RASSF3: variants seen among roughly 807,000 people sequenced by gnomAD.
The protein encoded by RASSF3 is Ras association domain family member 3.
Under a neutral mutation model 19.9 loss-of-function variants are expected in RASSF3, and 19 were observed. That is an observed-to-expected ratio of 0.96 (90% CI 0.67 to 1.40). The LOEUF (loss-of-function observed/expected upper bound fraction) is 1.40. RASSF3 is among the 40% of genes most tolerant of loss of function. The pLI, the probability that RASSF3 is intolerant of heterozygous loss-of-function variation, is 0.00. For missense variants in RASSF3, 306 were observed against 289.8 expected, an observed-to-expected ratio of 1.06 and a Z score of -0.41; for synonymous variants, 110 against 104.2, an observed-to-expected ratio of 1.06 and a Z score of -0.34.
intron 1 of RASSF3, among the ~76,000 whole-genome samples, chr12:64,618,445 G>T (rs7314137): frequency 1.3e-5 from 2 of 152,108 alleles, no homozygotes; most frequent in African/African-American, 4.8e-5. Flanking sequence ...TCCTGCCTCA[G>T]CCTCCCAAGT....
upstream of RASSF3, among the ~76,000 whole-genome samples, chr12:64,529,382 T>C (rs1868658059): frequency 1.3e-5 from 2 of 152,232 alleles, no homozygotes; most frequent in Admixed American, 6.5e-5. Flanking sequence ...AGCTGATCCA[T>C]GAGTGGACAC....
At chr12:64,544,890 C>G (rs1305562140), downstream of RASSF3, among the ~76,000 whole-genome samples, 1 of 152,182 alleles carries the variant, frequency 6.6e-6, no homozygotes, top group African/African-American at 2.4e-5. Flanking sequence ...AACTCTTGAT[C>G]AGAACAGTAA....
upstream of RASSF3, among the ~76,000 whole-genome samples, chr12:64,528,881 C>T (rs990256803): frequency 1.3e-5 from 2 of 152,182 alleles, no homozygotes; most frequent in Admixed American, 6.5e-5. Context: ...CAAGCTTTAG[C>T]GTCAGATGGG....
At chr12:64,679,985 T>C (rs1464044812) in intron 1 of RASSF3, among the ~76,000 whole-genome samples, 1 of 152,174 alleles carries the variant, frequency 6.6e-6, no homozygotes, top group Admixed American at 6.5e-5. Flanking sequence ...CACTTGGTAT[T>C]GTATCTATTC....
chr12:64,681,257 G>T (rs1873116038), intron 1 of RASSF3, among the ~76,000 whole-genome samples: 1 of 152,152 alleles, frequency 6.6e-6, no homozygotes, highest in Non-Finnish European at 1.5e-5. Flanking sequence ...GTATTTAATG[G>T]TGAACCTTTG....
chr12:64,684,138 G>C (rs35127263), intron 1 of RASSF3, among the ~76,000 whole-genome samples: 26,660 of 148,180 alleles, frequency 0.18, 3,068 homozygotes, highest in South Asian at 0.31. Flanking sequence ...CCAGGCTAGA[G>C]CATAGTGGCA....
chr12:64,533,008 C>T (rs775818535), upstream of RASSF3, among the ~76,000 whole-genome samples: 7 of 152,350 alleles, frequency 4.6e-5, no homozygotes, highest in South Asian at 2.1e-4. Flanking sequence ...TCAACACTGC[C>T]GTCTCAGAGA....
intron 2 of RASSF3, among the ~76,000 whole-genome samples, chr12:64,602,004 C>A (rs983448067): frequency 7.9e-5 from 12 of 151,468 alleles, no homozygotes; most frequent in African/African-American, 2.7e-4. Flanking sequence ...GTGGTCCCAA[C>A]TACTCGGGAG....
Position 64,678,647 on chromosome 12 carries a change from C to CAAAAAAAAA in RASSF3, c.112-6140_112-6139insAAAAAAAAA, listed in dbSNP as rs1872996061. Among the ~76,000 whole-genome samples the CAAAAAAAAA allele has an allele frequency of 8.9e-4, 13 of 14,586 alleles. No individual in the cohort carries two copies. In the South Asian group the frequency reaches 0.024, roughly 27 times the overall value. 9.6% of individuals were successfully genotyped at this position (14,586 alleles called of 152,430 possible). A position where few individuals can be genotyped will look rare whatever the true frequency, so the allele number is the denominator to read the frequency against. The stretch of plus-strand genomic sequence containing the variant: ...TTATTTTTTAAAGAGATCCGTAATA[C>CAAAAAAAAA]CAAAAAAAAAAAAAAAAACCAAACA... On this transcript the variant is annotated intron_variant, in intron 1 of 4. Transcript: ENST00000542104.
intron 2 of RASSF3, among the ~76,000 whole-genome samples, chr12:64,562,380 A>G (rs1183980615): frequency 6.6e-6 from 1 of 152,072 alleles, no homozygotes; most frequent in Non-Finnish European, 1.5e-5. Context: ...CTCCTTAGAC[A>G]TCCTGGTTAG....
At chr12:64,632,704 C>T (rs1871207279) in intron 1 of RASSF3, among the ~76,000 whole-genome samples, 1 of 151,966 alleles carries the variant, frequency 6.6e-6, no homozygotes, top group South Asian at 2.1e-4. Flanking sequence ...GGGAACAACT[C>T]GGTTTTAGGG....
intron 2 of RASSF3, among the ~76,000 whole-genome samples, chr12:64,594,370 C>T (rs1235432557): frequency 1.3e-5 from 2 of 152,172 alleles, no homozygotes; most frequent in East Asian, 1.9e-4. Context: ...CATGTAGTAG[C>T]CTAGTACTTT....
rs563783294 is a variant in RASSF3, at chr12:64,658,506, A to C, written c.112-26281A>C. On this transcript the variant is annotated intron_variant, in intron 1 of 4. Coordinates refer to ENST00000542104, the MANE Select transcript of RASSF3 (RefSeq NM_178169.4). ...GTCTAAACTAGTGAAAGTAAATTTAATAAGAAGGAATTACGGCAGGCACAG... is the reference window on the plus strand; with the variant it reads ...GTCTAAACTAGTGAAAGTAAATTTACTAAGAAGGAATTACGGCAGGCACAG... Among the ~76,000 whole-genome samples the C allele has an allele frequency of 2.0e-5, 3 of 152,340 alleles. No homozygotes were observed. In the South Asian group the frequency reaches 6.2e-4, roughly 32 times the overall value.
intron 1 of RASSF3, among the ~76,000 whole-genome samples, chr12:64,638,543 G>A (rs1383187175): frequency 1.4e-5 from 2 of 147,572 alleles, no homozygotes; most frequent in Admixed American, 1.4e-4. Flanking sequence ...TCGCGCCACT[G>A]CACTGCAGCC....
chr12:64,579,821 T>A (rs1217158682), intron 2 of RASSF3, among the ~76,000 whole-genome samples: 1 of 151,024 alleles, frequency 6.6e-6, no homozygotes, highest in Non-Finnish European at 1.5e-5. Context: ...TTTTTTTTTT[T>A]TTTTTAAAGA....
intron 2 of RASSF3, among the ~76,000 whole-genome samples, chr12:64,594,858 C>T (rs912763202): frequency 1.3e-5 from 2 of 151,888 alleles, no homozygotes; most frequent in African/African-American, 4.8e-5. Flanking sequence ...AACGATCATC[C>T]CACCTTAGCC....
At chr12:64,661,942 A>G (rs1205966133) in intron 1 of RASSF3, among the ~76,000 whole-genome samples, 1 of 151,552 alleles carries the variant, frequency 6.6e-6, no homozygotes, top group East Asian at 1.9e-4. Context: ...CGGCCTCCCA[A>G]AGTACTGGAA....
At chr12:64,507,757 C>T (rs1331848132) in intron 1 of RASSF3, among the ~76,000 whole-genome samples, 1 of 152,128 alleles carries the variant, frequency 6.6e-6, no homozygotes, top group Non-Finnish European at 1.5e-5. Context: ...CTAAAAAGGT[C>T]AGTGGGCCTT....
chr12:64,566,896 C>A (rs1029934703), intron 2 of RASSF3, among the ~76,000 whole-genome samples: 1 of 152,122 alleles, frequency 6.6e-6, no homozygotes, highest in Non-Finnish European at 1.5e-5. Flanking sequence ...CAGGTGGGGA[C>A]CGAGGGCAAA....
Sources: gnomAD v4.1 joint callset for allele counts (sites outside exome capture counted in the v4.1 genomes callset) on GRCh38, gnomAD v4.1.1 for gene constraint, MANE v1.5 for transcripts, NCBI Gene and HGNC (gene_info 2026-07-23, HGNC 2026-07-21) for gene names.